The following NEBL variants were observed in gnomAD, a reference collection of about 807,000 sequenced individuals.
NEBL encodes LIM and SH3 protein 2.
NEBL carries 122 observed loss-of-function variants against 140.2 expected under a neutral mutation model. The ratio of observed to expected loss-of-function variants is 0.87; its 90% CI spans 0.75 to 1.01. The LOEUF is 1.01. Among genes scored for constraint, NEBL ranks in the 50% least tolerant of loss-of-function variants. The pLI is 0.00. For synonymous variants in NEBL, 436 were observed against 398.9 expected (o/e 1.09, Z -1.11); for missense variants, 1,365 against 1,231.3 (o/e 1.11, Z -1.62).
chr10:21,061,743 G>A (rs193103459), intron 2 of NEBL, among the ~76,000 whole-genome samples: 1 of 152,204 alleles, frequency 6.6e-6, no homozygotes. Flanking sequence ...AAAAGTGGTT[G>A]TGACCTCCTC....
intron 4 of NEBL, among the ~76,000 whole-genome samples, chr10:20,916,186 A>G (rs1848548557): frequency 6.6e-6 from 1 of 152,214 alleles, no homozygotes; most frequent in East Asian, 1.9e-4. Context: ...TTTTAGAACT[A>G]CAGGCAAGAA....
intron 3 of NEBL, among the ~76,000 whole-genome samples, chr10:21,221,092 T>C (rs1842059860): frequency 6.6e-6 from 1 of 152,042 alleles, no homozygotes; most frequent in African/African-American, 2.4e-5. Flanking sequence ...AGTTGGAAGC[T>C]TCAGAGAGCT....
intron 9 of NEBL, among the ~76,000 whole-genome samples, chr10:20,854,846 G>A (rs141314080): frequency 0.013 from 1,973 of 152,132 alleles, 23 homozygotes; most frequent in Non-Finnish European, 0.02. Context: ...ATTACAGACA[G>A]GAGCTACTGC....
chr10:20,940,075 C>T (rs1425010532), intron 4 of NEBL, among the ~76,000 whole-genome samples: 1 of 151,820 alleles, frequency 6.6e-6, no homozygotes, highest in Non-Finnish European at 1.5e-5. Flanking sequence ...CAGCTCTGCA[C>T]CAAGCGGACT....
chr10:20,815,589 C>T (rs759997238), intron 22 of NEBL, 36 bp downstream of exon 22: 76 of 1,460,158 alleles, frequency 5.2e-5, no homozygotes, highest in Non-Finnish European at 7.0e-5. Flanking sequence ...AAAGACACAT[C>T]CTTTGTGATA....
chr10:21,050,503 A>T (rs1834725677), intron 2 of NEBL, among the ~76,000 whole-genome samples: 1 of 152,256 alleles, frequency 6.6e-6, no homozygotes, highest in South Asian at 2.1e-4. Context: ...AGAGATGCAG[A>T]AACACAGCCT....
At chr10:20,810,821 T>C (rs1838067635) in intron 24 of NEBL, among the ~76,000 whole-genome samples, 1 of 152,232 alleles carries the variant, frequency 6.6e-6, no homozygotes. Context: ...GCTTGTCTGT[T>C]TTTAATTAAT....
intron 2 of NEBL, among the ~76,000 whole-genome samples, chr10:21,025,840 C>G (rs2131786983): frequency 6.6e-6 from 1 of 152,236 alleles, no homozygotes; most frequent in Admixed American, 6.5e-5. Flanking sequence ...GCAAAATTCA[C>G]ACATGCAAGT....
intron 5 of NEBL, among the ~76,000 whole-genome samples, chr10:20,871,012 G>A (rs184106121): frequency 6.6e-6 from 1 of 152,154 alleles, no homozygotes; most frequent in African/African-American, 2.4e-5. Context: ...TGCCAGATGT[G>A]GTTCTATTTG....
intron 3 of NEBL, among the ~76,000 whole-genome samples, chr10:21,011,202 G>T (rs1198530770): frequency 6.6e-6 from 1 of 152,180 alleles, no homozygotes; most frequent in East Asian, 1.9e-4. Context: ...ACACTTAGTG[G>T]CAGGGACAGG....
At chr10:21,139,524 A>T (rs1297894200) in intron 2 of NEBL, among the ~76,000 whole-genome samples, 1 of 152,182 alleles carries the variant, frequency 6.6e-6, no homozygotes, top group Non-Finnish European at 1.5e-5. Context: ...TCTGTTGTCA[A>T]AGAAATTATA....
At chr10:21,128,495 G>A (rs956879854) in intron 2 of NEBL, among the ~76,000 whole-genome samples, 5 of 152,026 alleles carry the variant, frequency 3.3e-5, no homozygotes, top group African/African-American at 1.2e-4. Flanking sequence ...CTTGATTACT[G>A]TATCAGATTA....
intron 3 of NEBL, among the ~76,000 whole-genome samples, chr10:21,200,340 G>A (rs7904138): frequency 0.12 from 14,933 of 121,516 alleles, 1,033 homozygotes; most frequent in African/African-American, 0.19. Flanking sequence ...TTGAGATGGA[G>A]TCTCGCTCTG....
intron 2 of NEBL, among the ~76,000 whole-genome samples, chr10:21,034,119 A>G (rs555562653): frequency 3.2e-4 from 43 of 134,960 alleles, no homozygotes; most frequent in African/African-American, 1.1e-3. Context: ...GTAAGCTGTG[A>G]TTGTACCACT....
chr10:21,028,251 A>AGAAGAAGAAGAAGAAGAAGAAG lies in NEBL; in HGVS notation c.165-8051_165-8050insCTTCTTCTTCTTCTTCTTCTTC, dbSNP rs1554819362. On this transcript the variant is annotated intron_variant, in intron 2 of 6. Coordinates refer to the NEBL transcript ENST00000417816. The stretch of plus-strand genomic sequence containing the variant: ...CAAACATCTCAAAAAAAAAAAAAAA[A>AGAAGAAGAAGAAGAAGAAGAAG]AAAAAGAAGAAGAAGAAGAAGAAGA... Among the ~76,000 whole-genome samples, 139 of 36,842 alleles carry AGAAGAAGAAGAAGAAGAAGAAG rather than the reference A, an allele frequency of 3.8e-3. 2 individuals are homozygous for AGAAGAAGAAGAAGAAGAAGAAG. The highest frequency in any genetic ancestry group is 0.02 in the East Asian group (19 of 972). The allele number at this position is 36,842 out of a possible 152,430, so 24.2% of individuals were successfully genotyped here.
At chr10:20,978,373 T>C (rs67817499) in intron 3 of NEBL, among the ~76,000 whole-genome samples, 24,054 of 151,902 alleles carry the variant, frequency 0.16, 3,875 homozygotes, top group African/African-American at 0.42. Context: ...TACAAGGCCA[T>C]TTGTGAGTCT....
intron 2 of NEBL, among the ~76,000 whole-genome samples, chr10:21,126,974 CAAAA>C (rs55883304): frequency 3.1e-5 from 2 of 64,176 alleles, no homozygotes; most frequent in Non-Finnish European, 3.4e-5. Context: ...GACCCTGTAT[CAAAA>C]AAAAAAAAAA....
intron 2 of NEBL, among the ~76,000 whole-genome samples, chr10:21,105,822 A>C (rs1837691139): frequency 1.3e-5 from 2 of 152,120 alleles, no homozygotes; most frequent in Admixed American, 1.3e-4. Flanking sequence ...AAGCGTTCCT[A>C]TTTCTCTACA....
chr10:21,270,120 A>T (rs1842844430), intron 1 of NEBL, among the ~76,000 whole-genome samples: 1 of 152,216 alleles, frequency 6.6e-6, no homozygotes, highest in African/African-American at 2.4e-5. Flanking sequence ...AAAACTCTGG[A>T]ATTCCACTGA....
Sources: allele counts gnomAD v4.1 joint callset (sites outside exome capture counted in the v4.1 genomes callset), GRCh38; gene constraint gnomAD v4.1.1; transcripts MANE v1.5; gene names NCBI Gene and HGNC (gene_info 2026-07-23, HGNC 2026-07-21).